TARS2: variants seen among roughly 807,000 people sequenced by gnomAD.
TARS2 encodes threonyl-tRNA synthetase 2, mitochondrial.
A neutral mutation model predicts 94.4 loss-of-function variants in TARS2; 61 were observed. The observed-to-expected ratio is 0.65, with a 90% CI of 0.53 to 0.80. The LOEUF is 0.80. Among genes scored for constraint, TARS2 ranks in the 30% least tolerant of loss-of-function variants. TARS2 has a pLI of 0.00. For missense variants in TARS2, 704 were observed against 902.5 expected (o/e 0.78, Z 2.82); for synonymous variants, 359 against 353.4 (o/e 1.02, Z -0.18).
In TARS2 at chr1:150,504,457, T is replaced by G. The variant is rs377422547; in HGVS notation, c.1718+22T>G. 210 of 1,612,234 alleles carry G rather than the reference T, an allele frequency of 1.3e-4. No homozygotes were observed. The East Asian group carries it at 2.7e-3, about 21-fold the overall frequency. ...AGGGGTATAAAACCTTGCCCTATCC[T>G]CTTTTCCCTTGACAGTGCATGGAAT... On this transcript the variant is annotated intron_variant, in intron 14 of 17. Coordinates refer to ENST00000369064, the MANE Select transcript of TARS2 (RefSeq NM_025150.5).
Position 150,491,641 on chromosome 1 carries a change from G to A in TARS2, c.674G>A (p.Gly225Asp). 1 of 1,614,120 alleles carries A rather than the reference G, an allele frequency of 6.2e-7. No homozygotes were observed. The highest frequency in any genetic ancestry group is 8.5e-7 in the Non-Finnish European group (1 of 1,180,030). The change falls in exon 6 of 18, where the codon GGT (glycine) becomes GAT (aspartate). Residue 225 changes from glycine to aspartate, a missense_variant. Gly to Asp is a moderately conservative substitution (Grantham distance 94, BLOSUM62 -1). Coordinates refer to ENST00000369064, the MANE Select transcript of TARS2 (RefSeq NM_025150.5). ...CACTTGATTGAGGAGAAAGTGACAGGTCCAACAGCAACAGTATATGGGTAA... is the reference window on the plus strand; with the variant it reads ...CACTTGATTGAGGAGAAAGTGACAGATCCAACAGCAACAGTATATGGGTAA... ...KLHLIEEKVT[G>D]PTATVYGCGT...
intron 13 of TARS2, among the ~76,000 whole-genome samples, chr1:150,503,687 A>G (rs200796926): frequency 5.9e-4 from 78 of 131,176 alleles, no homozygotes; most frequent in African/African-American, 1.5e-3. Flanking sequence ...ATATATGTGT[A>G]TATATATGTG....
Position 150,504,340 on chromosome 1 carries a change from C to T in TARS2, c.1623C>T (p.Asp541=), listed in dbSNP as rs1023741342. ...GDGAFYGPKI[D]VHLHDALGRP... ...TTCCCATCTGTTTCCTGTAGATTGA[C>T]GTGCACCTCCACGATGCCCTGGGCC... The change falls in exon 14 of 18, where the codon GAC becomes GAT. Residue 541 remains aspartate, a synonymous_variant. Transcript: ENST00000369064. 8 of 1,613,934 alleles carry T rather than the reference C, an allele frequency of 5.0e-6. No individual in the cohort carries two copies. In the African/African-American group the frequency reaches 5.3e-5, roughly 11 times the overall value.
chr1:150,504,192 G>T, intron 13 of TARS2, 143 bp from the exon 14 acceptor site: 1 of 705,456 alleles, frequency 1.4e-6, no homozygotes, highest in Non-Finnish European at 2.5e-6. Flanking sequence ...GAGGGGTAGC[G>T]TATGATAGAG....
rs587686141 is a variant in TARS2, at chr1:150,506,950, G to A, written c.2043G>A (p.Val681=). Residue 681 remains valine, a synonymous_variant, in exon 18 of 18, where the codon GTG becomes GTA. Transcript: ENST00000369064. ...AGAAAGAGCAAAGTAAGAGAACAGTGAACATTCGGACTCGAGATAATCGTC... is the reference window on the plus strand; with the variant it reads ...AGAAAGAGCAAAGTAAGAGAACAGTAAACATTCGGACTCGAGATAATCGTC... ...VGQKEQSKRT[V]NIRTRDNRRL... is the part of the protein sequence containing the mutation. The A allele has an allele frequency of 1.9e-6, 3 of 1,614,120 alleles. No homozygotes were observed. In the African/African-American group the frequency reaches 4.0e-5, roughly 22 times the overall value.
At chr1:150,493,544 G>A (rs587618870) in intron 7 of TARS2, among the ~76,000 whole-genome samples, 8 of 148,872 alleles carry the variant, frequency 5.4e-5, no homozygotes, top group South Asian at 2.1e-4. Flanking sequence ...ACCTGAGGTC[G>A]GGAGTTCAAG....
intron 6 of TARS2, 115 bp downstream of exon 6, chr1:150,491,777 T>C (rs1037872572): frequency 1.8e-6 from 2 of 1,126,490 alleles, no homozygotes; most frequent in East Asian, 2.5e-5. Flanking sequence ...GAAAAAGAAA[T>C]GGGAATGGGA....
At chr1:150,492,331 G>C (rs1669433071) in intron 6 of TARS2, 80 bp from the exon 7 acceptor site, 2 of 1,426,758 alleles carry the variant, frequency 1.4e-6, no homozygotes, top group African/African-American at 2.8e-5. Flanking sequence ...CACCTCTTCT[G>C]TCAGCTAAAG....
intron 3 of TARS2, 128 bp from the exon 4 acceptor site, chr1:150,490,473 A>G: frequency 7.2e-7 from 1 of 1,386,448 alleles, no homozygotes; most frequent in Non-Finnish European, 9.6e-7. Flanking sequence ...TAGGATCCCC[A>G]TTTTGTGGTA....
intron 13 of TARS2, among the ~76,000 whole-genome samples, chr1:150,500,147 A>G (rs587725525): frequency 2.0e-4 from 30 of 152,158 alleles, no homozygotes; most frequent in South Asian, 1.2e-3. Flanking sequence ...ACTGCACTCC[A>G]GCCTGGGTGA....
Position 150,497,646 on chromosome 1 carries a change from G to A in TARS2, c.1137G>A (p.Gln379=), listed in dbSNP as rs1467051407. ...ATCAGGAAGACATGTTTGCCGTGCAGCCCCCAGGCTCTGACAGGCCTCCCA... is the reference window on the plus strand; with the variant it reads ...ATCAGGAAGACATGTTTGCCGTGCAACCCCCAGGCTCTGACAGGCCTCCCA... The part of the protein sequence containing the change: ...EHYQEDMFAV[Q]PPGSDRPPSS... The change falls in exon 10 of 18, where the codon CAG becomes CAA. Residue 379 remains glutamine (Q), a synonymous_variant. Coordinates refer to ENST00000369064, the MANE Select transcript of TARS2 (RefSeq NM_025150.5). The A allele has an allele frequency of 1.9e-6, 3 of 1,614,164 alleles. No homozygotes were observed. Among genetic ancestry groups the A allele is most frequent in the Admixed American group, 3.3e-5 (2 of 60,010 alleles).
intron 7 of TARS2, among the ~76,000 whole-genome samples, chr1:150,493,433 A>G (rs1669493173): frequency 6.6e-6 from 1 of 152,112 alleles, no homozygotes; most frequent in Non-Finnish European, 1.5e-5. Context: ...GGCACAGGGA[A>G]AATACCTTTA....
At position 150,487,514 on chromosome 1, in the gene TARS2, A is replaced by G; in HGVS notation, c.64A>G (p.Thr22Ala). ...AGGTTTACAGGCTTGCAGGCTACAC[A>G]CGGTGCGTGAGGCACCCCCAAAGCT... ...LQGLQACRLH[T>A]AVVSTPPRWL... The change falls in exon 1 of 18, where the codon ACG (threonine) becomes GCG (alanine). Residue 22 changes from threonine (T) to alanine (A), a missense_variant and splice_region_variant. This residue lies in a region of TARS2 where 208 missense variants were observed against 228.5 expected (regional missense o/e 0.91). Coordinates refer to ENST00000369064, the MANE Select transcript of TARS2 (RefSeq NM_025150.5). 1.2e-6 allele frequency: 2 copies of G among 1,614,196 alleles called. No homozygotes were observed. Among genetic ancestry groups the G allele is most frequent in the Non-Finnish European group, 1.7e-6 (2 of 1,180,030 alleles).
In TARS2 at chr1:150,490,597, C is replaced by T. The variant is rs1395761642; in HGVS notation, c.388-4C>T. ...ACTTGTGAACCCCTTTTTTGTGAAC[C>T]CAGGTGTTCTGGCACTCCAGCACCC... On this transcript the variant is annotated splice_polypyrimidine_tract_variant and splice_region_variant and intron_variant, in intron 3 of 17. Coordinates refer to ENST00000369064, the MANE Select transcript of TARS2 (RefSeq NM_025150.5). The T allele has an allele frequency of 3.7e-6, 6 of 1,606,828 alleles. No homozygotes were observed. The highest frequency in any genetic ancestry group is 5.1e-6 in the Non-Finnish European group (6 of 1,177,956).
At position 150,492,343 on chromosome 1, in the gene TARS2, C is replaced by A. The variant is rs587629898; in HGVS notation, c.696-68C>A. 1.5e-5 allele frequency: 23 copies of A among 1,498,644 alleles called. No homozygotes were observed. In the African/African-American group the frequency reaches 2.9e-4, roughly 19 times the overall value. 92.8% of individuals were successfully genotyped at this position (1,498,644 alleles called of 1,614,324 possible). The stretch of plus-strand genomic sequence containing the variant: ...CTTCACCTCTTCTGTCAGCTAAAGA[C>A]CATGAGAGGGAGAAAGCTAGAAGCT... On this transcript the variant is annotated intron_variant, in intron 6 of 17. Transcript: ENST00000369064.
intron 2 of TARS2, 142 bp from the exon 3 acceptor site, chr1:150,488,822 C>A: frequency 1.6e-6 from 2 of 1,264,694 alleles, no homozygotes; most frequent in Non-Finnish European, 2.2e-6. Flanking sequence ...TCCTTTCCAG[C>A]CTCTGGTAAC....
rs775216555 is a variant in TARS2, at chr1:150,504,615, C to CT, written c.1719-17_1719-16insT. ...TACTTCCACCATTCCATCCACCCCC[C>CT]CCTTTTTCCTTTCAAGGCAGGCGGG... On this transcript the variant is annotated splice_polypyrimidine_tract_variant and intron_variant, in intron 14 of 17. Coordinates refer to ENST00000369064, the MANE Select transcript of TARS2 (RefSeq NM_025150.5). 2.5e-6 allele frequency: 4 copies of CT among 1,612,622 alleles called. No individual in the cohort carries two copies. The highest frequency in any genetic ancestry group is 2.7e-5 in the African/African-American group (2 of 74,892).
In TARS2 at chr1:150,496,571, G is replaced by A; in HGVS notation, c.864G>A (p.Arg288=). 6.2e-7 allele frequency: 1 copy of A among 1,614,142 alleles called. No homozygotes were observed. Among genetic ancestry groups the A allele is most frequent in the Non-Finnish European group, 8.5e-7 (1 of 1,180,042 alleles). Residue 288 remains arginine (R), a synonymous_variant, in exon 8 of 18, where the codon AGG becomes AGA. Coordinates refer to ENST00000369064, the MANE Select transcript of TARS2 (RefSeq NM_025150.5). ...CCTTCCCCACAACAGAATTGCTGAG[G>A]GTCTGGGAAGCATGGAGGGAGGAAG... ...GISFPTTELL[R]VWEAWREEAE...
Position 150,504,616 on chromosome 1 carries a change from C to T in TARS2, c.1719-16C>T, listed in dbSNP as rs113876911. On this transcript the variant is annotated splice_polypyrimidine_tract_variant and intron_variant, in intron 14 of 17. Transcript: ENST00000369064. ...ACTTCCACCATTCCATCCACCCCCC[C>T]CTTTTTCCTTTCAAGGCAGGCGGGT... is the stretch of plus-strand genomic sequence containing the variant. The T allele has an allele frequency of 6.3e-4, 1,013 of 1,612,834 alleles. 8 individuals are homozygous for T. In the East Asian group the frequency reaches 0.012, roughly 19 times the overall value.
Sources: gnomAD v4.1 joint callset for allele counts (sites outside exome capture counted in the v4.1 genomes callset) on GRCh38, gnomAD v4.1.1 for gene constraint, gnomAD v4.1.1 regional missense constraint, MANE v1.5 for transcripts, NCBI Gene and HGNC (gene_info 2026-07-23, HGNC 2026-07-21) for gene names.